Variants in TIAM2 observed in about 807,000 individuals in gnomAD.
TIAM2 encodes the protein TIAM Rac1 associated GEF 2, also known as rho guanine nucleotide exchange factor TIAM2.
TIAM2 carries 80 observed loss-of-function variants against 152.9 expected under a neutral mutation model. The ratio of observed to expected loss-of-function variants is 0.52; its 90% confidence interval spans 0.44 to 0.63. The LOEUF (loss-of-function observed/expected upper bound fraction) is 0.63. TIAM2 is among the 30% of genes least tolerant of loss of function. The pLI is 0.00. For synonymous variants in TIAM2, 804 were observed against 838.0 expected (o/e 0.96, Z 0.70); for missense variants, 1,965 against 2,120.1 (o/e 0.93, Z 1.44).
Position 155,254,458 on chromosome 6 carries a change from TTC to T in TIAM2, c.4355_4356del (p.Ser1452TyrfsTer13). Reference protein sequence around the residue: ...SKTNIVKVIRSILRENFRRHI... With the variant: ...SKTNIVKVIRXILRENFRRHI... ...AAACCAACATTGTTAAGGTGATTCG[TTC>T]TATTCTGAGGGAGAACTTCAGGCGT... On this transcript the variant is annotated frameshift_variant, in exon 26 of 27. Coordinates refer to ENST00000682666, the MANE Select transcript of TIAM2 (RefSeq NM_012454.4). LOFTEE classifies it high-confidence loss of function. 6.2e-7 allele frequency: 1 copy of T among 1,614,118 alleles called. No homozygotes were observed. Among genetic ancestry groups the T allele is most frequent in the Non-Finnish European group, 8.5e-7 (1 of 1,179,980 alleles).
chr6:155,209,710 G>A (rs9384296), intron 14 of TIAM2, among the ~76,000 whole-genome samples: 24,585 of 152,144 alleles, frequency 0.16, 2,182 homozygotes, highest in East Asian at 0.37. Context: ...GATGAGATTA[G>A]GGTGTCGGAA....
At chr6:155,012,775 T>C (rs1366783760) in intron 1 of TIAM2, among the ~76,000 whole-genome samples, 1 of 152,200 alleles carries the variant, frequency 6.6e-6, no homozygotes, top group East Asian at 1.9e-4. Context: ...GGTCTCGAAC[T>C]CCTGACCTCA....
intron 1 of TIAM2, among the ~76,000 whole-genome samples, chr6:155,047,755 A>G (rs998561054): frequency 6.1e-5 from 9 of 147,666 alleles, no homozygotes; most frequent in Non-Finnish European, 1.2e-4. Flanking sequence ...GCGAGCGCAC[A>G]GAAGACTTGA....
At position 155,248,145 on chromosome 6, in the gene TIAM2, G is replaced by A. The variant is rs375847285; in HGVS notation, c.3798G>A (p.Thr1266=). Reference sequence around the variant, plus strand: ...TGCTCAAGGAGCTGGTGTCCCTGACGGACCAGGAGAGCGAGGAGCACTACC... The same window carrying A: ...TGCTCAAGGAGCTGGTGTCCCTGACAGACCAGGAGAGCGAGGAGCACTACC... ...PLLLKELVSL[T]DQESEEHYHL... is the part of the protein sequence containing the mutation. Residue 1266 remains threonine (T), a synonymous_variant, in exon 20 of 27, where the codon ACG becomes ACA. Transcript: ENST00000682666. 20 of 1,613,954 alleles carry A rather than the reference G, an allele frequency of 1.2e-5. No individual in the cohort carries two copies. Among genetic ancestry groups the A allele is most frequent in the African/African-American group, 2.7e-5 (2 of 74,942 alleles).
intron 9 of TIAM2, among the ~76,000 whole-genome samples, chr6:155,172,226 G>T (rs769997689): frequency 5.3e-5 from 8 of 152,200 alleles, no homozygotes; most frequent in African/African-American, 1.9e-4. Flanking sequence ...TGATGTTCCC[G>T]TGTCGTGATG....
chr6:155,164,280 AG>A, intron 7 of TIAM2, 134 bp from the exon 8 acceptor site: 1 of 723,386 alleles, frequency 1.4e-6, no homozygotes, highest in Non-Finnish European at 2.1e-6. Context: ...TGGGGTGAGC[AG>A]GAAAGGCTAA....
At chr6:155,148,453 C>A (rs1397339845) in intron 7 of TIAM2, 119 bp downstream of exon 7, 10 of 987,590 alleles carry the variant, frequency 1.0e-5, no homozygotes, top group Non-Finnish European at 1.5e-5. Context: ...ATTTCTTACA[C>A]CCTGGGGGAA....
At chr6:155,049,495 T>C (rs1394874238) in intron 1 of TIAM2, among the ~76,000 whole-genome samples, 1 of 152,158 alleles carries the variant, frequency 6.6e-6, no homozygotes, top group African/African-American at 2.4e-5. Flanking sequence ...AATGGGTCAT[T>C]AGTGCTGTAG....
rs1778195737 is a variant in TIAM2, at chr6:154,995,408, C to G, written c.-293C>G. On this transcript the variant is annotated 5_prime_UTR_variant, in exon 1 of 27. Coordinates refer to ENST00000682666, the MANE Select transcript of TIAM2 (RefSeq NM_012454.4). This position sits in a 1 kb window ranked among gnomAD's most constrained non-coding sequence, Gnocchi z 5.2. ...GACCCCCAGAACTTCTCCAACTCCT[C>G]CCGGCGTTCCCGCGAGGGCCACGCG... 1 of 151,002 alleles carries G rather than the reference C, an allele frequency of 6.6e-6. No homozygotes were observed. Among genetic ancestry groups the G allele is most frequent in the African/African-American group, 2.4e-5 (1 of 41,340 alleles). The allele number at this position is 151,002 out of a possible 1,614,324, so 9.4% of individuals were successfully genotyped here.
At chr6:155,079,756 A>G (rs1778023425) in intron 1 of TIAM2, among the ~76,000 whole-genome samples, 2 of 152,284 alleles carry the variant, frequency 1.3e-5, no homozygotes, top group African/African-American at 4.8e-5. Flanking sequence ...AGACTAGCCT[A>G]GCTAACATGG....
At chr6:155,033,019 G>C (rs1048990623) in intron 1 of TIAM2, among the ~76,000 whole-genome samples, 8 of 152,100 alleles carry the variant, frequency 5.3e-5, no homozygotes, top group Non-Finnish European at 1.0e-4. Context: ...GTCCATGTTG[G>C]TGCTCTTGCC....
chr6:155,226,646 CA>C (rs1195528694), intron 15 of TIAM2, among the ~76,000 whole-genome samples: 2 of 123,622 alleles, frequency 1.6e-5, no homozygotes, highest in African/African-American at 3.3e-5. Context: ...GCCTGAGCAA[CA>C]AGAGTGAAAC....
Position 155,218,568 on chromosome 6 carries a change from C to A in TIAM2, c.3168+7261C>A, listed in dbSNP as rs969625677. Among the ~76,000 whole-genome samples the A allele has an allele frequency of 2.0e-5, 3 of 152,290 alleles. No homozygotes were observed. The highest frequency in any genetic ancestry group is 7.2e-5 in the African/African-American group (3 of 41,558). On this transcript the variant is annotated intron_variant, in intron 15 of 26. Transcript: ENST00000682666. The surrounding 1 kb of genome is among the most constrained non-coding windows in gnomAD (Gnocchi z 4.5). ...ACCAACCCAGTGTTGTCAAAGGAAT[C>A]ACGTGAGATTATGTCCAACTAGGAG...
In TIAM2 at chr6:155,168,349, AATTTATTTATTT is replaced by A. The variant is rs34392123; in HGVS notation, c.2361+2957_2361+2968del. Among the ~76,000 whole-genome samples the A allele has an allele frequency of 4.6e-5, 7 of 151,896 alleles. No individual in the cohort carries two copies. In the South Asian group the frequency reaches 6.2e-4, roughly 14 times the overall value. On this transcript the variant is annotated intron_variant, in intron 9 of 26. Coordinates refer to ENST00000682666, the MANE Select transcript of TIAM2 (RefSeq NM_012454.4). ...TTTGGTTAAAAGCATATCAAGAATGAATTTATTTATTTATTTATTTATTTATTTGATACAGTC... is the reference window on the plus strand; with the variant it reads ...TTTGGTTAAAAGCATATCAAGAATGAATTTATTTATTTATTTGATACAGTC...
chr6:155,031,149 A>G (rs1476716089), intron 1 of TIAM2, among the ~76,000 whole-genome samples: 1 of 152,190 alleles, frequency 6.6e-6, no homozygotes, highest in Non-Finnish European at 1.5e-5. Flanking sequence ...GTGAACATGC[A>G]TGGTCATAAA....
At chr6:155,019,154 G>A (rs1209145299) in intron 1 of TIAM2, among the ~76,000 whole-genome samples, 1 of 151,812 alleles carries the variant, frequency 6.6e-6, no homozygotes. Context: ...TGGCCAATGC[G>A]GTGAAACCCC....
At chr6:154,999,116 A>C (rs566797074) in intron 1 of TIAM2, among the ~76,000 whole-genome samples, 30 of 152,276 alleles carry the variant, frequency 2.0e-4, no homozygotes, top group African/African-American at 6.3e-4. Context: ...GTATTTCTTA[A>C]ATGCCATAAA....
At position 155,240,805 on chromosome 6, in the gene TIAM2, C is replaced by CGAGA; in HGVS notation, c.3348+96_3348+97insGAGA. On this transcript the variant is annotated intron_variant, in intron 16 of 26. Coordinates refer to ENST00000682666, the MANE Select transcript of TIAM2 (RefSeq NM_012454.4). ...CCCAGATCACCTCTGCCCAGGACAC[C>CGAGA]TGCCACTCCCCAGGGGGGGACACCT... 7 of 1,303,476 alleles carry CGAGA rather than the reference C, an allele frequency of 5.4e-6. No individual in the cohort carries two copies. In the East Asian group the frequency reaches 7.3e-5, roughly 14 times the overall value. The allele number at this position is 1,303,476 out of a possible 1,614,324, so 80.7% of individuals were successfully genotyped here. A position where few individuals can be genotyped will look rare whatever the true frequency, so the allele number is the denominator to read the frequency against.
At chr6:155,198,257 A>G (rs1474581046) in intron 14 of TIAM2, among the ~76,000 whole-genome samples, 1 of 152,230 alleles carries the variant, frequency 6.6e-6, no homozygotes, top group East Asian at 1.9e-4. Context: ...CCTTGAAAAC[A>G]GGGACTTTGA....
Sources: allele counts gnomAD v4.1 joint callset (sites outside exome capture counted in the v4.1 genomes callset), GRCh38; gene constraint gnomAD v4.1.1; non-coding constraint Gnocchi (gnomAD v3.1); transcripts MANE v1.5; gene names NCBI Gene and HGNC (gene_info 2026-07-23, HGNC 2026-07-21).